Variants in HNRNPF observed in about 807,000 individuals in gnomAD.
The protein encoded by HNRNPF is heterogeneous nuclear ribonucleoprotein F.
In HNRNPF, 2 loss-of-function variants were observed where a neutral mutation model predicts 26.0. That is an observed-to-expected ratio of 0.08 (90% CI 0.03 to 0.24). The LOEUF (loss-of-function observed/expected upper bound fraction) is 0.24. Ranked by LOEUF, HNRNPF falls within the 10% of genes least tolerant of loss-of-function variation. The pLI is 1.00. For synonymous variants in HNRNPF, 234 were observed against 211.5 expected (o/e 1.11, Z -0.92); for missense variants, 299 against 539.2 (o/e 0.55, Z 4.41).
chr10:43,391,869 T>C (rs940892528), intron 3 of HNRNPF, among the ~76,000 whole-genome samples: 1 of 152,218 alleles, frequency 6.6e-6, no homozygotes, highest in Non-Finnish European at 1.5e-5. Context: ...GTGCCAACTT[T>C]GCCTCTAGCT....
At position 43,398,346 on chromosome 10, in the gene HNRNPF, T is replaced by TG. The variant is rs199880288; in HGVS notation, c.-246-1757_-246-1756insC. Among the ~76,000 whole-genome samples, 46 of 140,770 alleles carry TG rather than the reference T, an allele frequency of 3.3e-4. No individual in the cohort carries two copies. The East Asian group carries it at 7.9e-3, about 24-fold the overall frequency. 92.4% of individuals were successfully genotyped at this position (140,770 alleles called of 152,430 possible). On this transcript the variant is annotated intron_variant, in intron 1 of 3. Coordinates refer to ENST00000682386, the MANE Select transcript of HNRNPF (RefSeq NM_001098204.2). ...CCTGTTTGGAGTTTGTTGTTGTTGT[T>TG]TTTTTTTTTTTTTGAGAGACAGTCT...
chr10:43,408,914 G>C (rs943030132), intron 1 of HNRNPF: 1 of 152,346 alleles, frequency 6.6e-6, no homozygotes, highest in East Asian at 1.9e-4. Context: ...GCGGGGTCAG[G>C]CGCGCTGCCG....
chr10:43,406,955 G>T (rs779309595), intron 1 of HNRNPF, among the ~76,000 whole-genome samples: 18 of 152,122 alleles, frequency 1.2e-4, no homozygotes, highest in Admixed American at 4.6e-4. Context: ...TTCTGTGAGA[G>T]CAACGAGTCA....
intron 2 of HNRNPF, among the ~76,000 whole-genome samples, chr10:43,395,667 G>C (rs1310441947): frequency 2.0e-5 from 3 of 152,184 alleles, no homozygotes; most frequent in African/African-American, 7.2e-5. Flanking sequence ...TCTGGAATCA[G>C]GTTTTCAAAA....
chr10:43,392,204 G>A lies in HNRNPF; in HGVS notation c.-53+2426C>T, dbSNP rs1027658606. Among the ~76,000 whole-genome samples, 4 of 152,164 alleles carry A rather than the reference G, an allele frequency of 2.6e-5. No homozygotes were observed. The South Asian group carries it at 8.3e-4, about 32-fold the overall frequency. ...AGATCATTTGAGGTCAGGAGTTCCA[G>A]ACCAGCCTAGCCAACATAGTGAAAC... is the stretch of plus-strand genomic sequence containing the variant. On this transcript the variant is annotated intron_variant, in intron 3 of 3. Transcript: ENST00000682386.
intron 1 of HNRNPF, among the ~76,000 whole-genome samples, chr10:43,406,413 G>T (rs1838919129): frequency 6.6e-6 from 1 of 152,136 alleles, no homozygotes; most frequent in African/African-American, 2.4e-5. Flanking sequence ...CAAAAAAGTG[G>T]CCGGGCACGA....
At chr10:43,389,818 T>G (rs1838172679) in intron 3 of HNRNPF, among the ~76,000 whole-genome samples, 1 of 151,936 alleles carries the variant, frequency 6.6e-6, no homozygotes, top group Non-Finnish European at 1.5e-5. Flanking sequence ...CTAATGAGAG[T>G]GGAACATGGA....
intron 3 of HNRNPF, among the ~76,000 whole-genome samples, chr10:43,388,270 A>G (rs1285431681): frequency 6.6e-6 from 1 of 152,198 alleles, no homozygotes; most frequent in Non-Finnish European, 1.5e-5. Flanking sequence ...AGAGCTCCTG[A>G]GTTGTTCCTC....
intron 3 of HNRNPF, among the ~76,000 whole-genome samples, chr10:43,391,176 C>G (rs1838228808): frequency 6.6e-6 from 1 of 152,034 alleles, no homozygotes; most frequent in Admixed American, 6.6e-5. Flanking sequence ...ACCTGTAGTC[C>G]CAGCTACTTG....
chr10:43,403,890 G>A (rs1838829994), intron 1 of HNRNPF, among the ~76,000 whole-genome samples: 1 of 152,152 alleles, frequency 6.6e-6, no homozygotes. Context: ...AGCTACTTGG[G>A]GGGATGAGGC....
intron 2 of HNRNPF, among the ~76,000 whole-genome samples, chr10:43,395,596 A>G (rs1838456697): frequency 6.6e-6 from 1 of 152,240 alleles, no homozygotes. Flanking sequence ...GGGGGGGTGT[A>G]CAAATGGAAA....
intron 1 of HNRNPF, among the ~76,000 whole-genome samples, chr10:43,407,035 GAATTCAGAGAC>G (rs937756478): frequency 2.8e-4 from 42 of 152,242 alleles, no homozygotes; most frequent in African/African-American, 9.9e-4. Flanking sequence ...ATCTTACTAG[GAATTCAGAGAC>G]AACCACGTAT....
At chr10:43,394,892 G>A (rs1838406624) in intron 2 of HNRNPF, among the ~76,000 whole-genome samples, 2 of 151,684 alleles carry the variant, frequency 1.3e-5, no homozygotes, top group Admixed American at 6.6e-5. Context: ...ACAACAAAAG[G>A]GAAACGCCTT....
chr10:43,389,291 G>A (rs374780037), intron 3 of HNRNPF, among the ~76,000 whole-genome samples: 7 of 152,200 alleles, frequency 4.6e-5, no homozygotes, highest in East Asian at 1.9e-4. Flanking sequence ...ATGTTTCAAA[G>A]TGTCATTTTA....
At chr10:43,390,710 CCAAA>C (rs1392490177) in intron 3 of HNRNPF, among the ~76,000 whole-genome samples, 1 of 152,204 alleles carries the variant, frequency 6.6e-6, no homozygotes, top group Non-Finnish European at 1.5e-5. Flanking sequence ...CTGGAAGATT[CCAAA>C]CAAATATCTG....
chr10:43,394,229 A>C (rs1353642578), intron 3 of HNRNPF, among the ~76,000 whole-genome samples: 2 of 152,232 alleles, frequency 1.3e-5, no homozygotes, highest in African/African-American at 2.4e-5. Context: ...AGGCTGAAAA[A>C]GACATACAAG....
At chr10:43,392,925 C>G (rs1229901069) in intron 3 of HNRNPF, among the ~76,000 whole-genome samples, 3 of 152,204 alleles carry the variant, frequency 2.0e-5, no homozygotes, top group Non-Finnish European at 4.4e-5. Context: ...ATTCTCTCTT[C>G]TGTCACACTC....
chr10:43,406,839 C>T (rs2030837515), intron 1 of HNRNPF, among the ~76,000 whole-genome samples: 1 of 152,240 alleles, frequency 6.6e-6, no homozygotes, highest in South Asian at 2.1e-4. Flanking sequence ...AGAATGCACA[C>T]CGGAATGTAA....
At position 43,408,428 on chromosome 10, in the gene HNRNPF, G is replaced by A. The variant is rs191472688; in HGVS notation, c.-247+703C>T. ...TCCCACGTACGGGCCCCTCGACCTC[G>A]AATCCCGTCACCCAAATCTCAGCGC... On this transcript the variant is annotated intron_variant, in intron 1 of 3. Transcript: ENST00000682386. 4.3e-3 allele frequency among the ~76,000 whole-genome samples: 650 copies of A among 152,284 alleles called. 2 individuals are homozygous for A. The highest frequency in any genetic ancestry group is 7.7e-3 in the Non-Finnish European group (526 of 68,010).
Sources: allele counts gnomAD v4.1 joint callset (sites outside exome capture counted in the v4.1 genomes callset), GRCh38; gene constraint gnomAD v4.1.1; transcripts MANE v1.5; gene names NCBI Gene and HGNC (gene_info 2026-07-23, HGNC 2026-07-21).